RPAP3: variants seen among roughly 807,000 people sequenced by gnomAD.
The protein encoded by RPAP3 is RNA polymerase II-associated protein 3.
A neutral mutation model predicts 88.8 loss-of-function variants in RPAP3; 58 were observed. That is an observed-to-expected ratio of 0.65 (90% CI 0.53 to 0.81). The LOEUF is 0.81. Ranked by LOEUF, RPAP3 falls within the 40% of genes least tolerant of loss-of-function variation. RPAP3 has a pLI of 0.00. For synonymous variants in RPAP3, 255 were observed against 259.9 expected, an observed-to-expected ratio of 0.98 and a Z score of 0.18; for missense variants, 751 against 764.3, an observed-to-expected ratio of 0.98 and a Z score of 0.20.
intron 12 of RPAP3, among the ~76,000 whole-genome samples, chr12:47,671,007 G>C (rs1938986429): frequency 6.6e-6 from 1 of 152,082 alleles, no homozygotes; most frequent in South Asian, 2.1e-4. Context: ...AACTAGCCCA[G>C]GATTAAAAAT....
rs1019606689 is a variant in RPAP3, at chr12:47,679,298, A to C, written c.1287+195T>G. ...GCATTAGGAGAAATACCTAATGTAA[A>C]TGATGAGTTGATGGGTGCAGCAAAC... is the stretch of plus-strand genomic sequence containing the variant. On this transcript the variant is annotated intron_variant, in intron 12 of 16. Transcript: ENST00000005386. Among the ~76,000 whole-genome samples, 4 of 152,292 alleles carry C rather than the reference A, an allele frequency of 2.6e-5. No homozygotes were observed. In the East Asian group the frequency reaches 7.7e-4, roughly 29 times the overall value.
At chr12:47,693,559 TAA>T (rs778299376) in intron 5 of RPAP3, among the ~76,000 whole-genome samples, 2 of 152,150 alleles carry the variant, frequency 1.3e-5, no homozygotes, top group African/African-American at 2.4e-5. Context: ...GTGGACGCAA[TAA>T]AGCGACACAC....
At position 47,663,229 on chromosome 12, in the gene RPAP3, A is replaced by G. The variant is rs1276191080; in HGVS notation, c.*276T>C. 4.1e-6 allele frequency: 1 copy of G among 244,224 alleles called. No homozygotes were observed. Among genetic ancestry groups the G allele is most frequent in the African/African-American group, 2.3e-5 (1 of 44,096 alleles). 15.1% of individuals were successfully genotyped at this position (244,224 alleles called of 1,614,324 possible). A position where few individuals can be genotyped will look rare whatever the true frequency, so the allele number is the denominator to read the frequency against. ...TGTTACATTTATGGGTCACTGAAGA[A>G]TGTATCTAAATTTAACATTTAAAAT... On this transcript the variant is annotated 3_prime_UTR_variant, in exon 17 of 17. Coordinates refer to ENST00000005386, the MANE Select transcript of RPAP3 (RefSeq NM_024604.3).
intron 1 of RPAP3, among the ~76,000 whole-genome samples, chr12:47,705,162 G>C (rs1237614309): frequency 1.3e-5 from 2 of 152,192 alleles, no homozygotes; most frequent in African/African-American, 2.4e-5. Context: ...AAAAAGGTAG[G>C]AGAAGAGTCA....
intron 3 of RPAP3, chr12:47,700,060 C>T (rs1449584517): frequency 7.3e-6 from 1 of 137,120 alleles, no homozygotes; most frequent in Non-Finnish European, 1.5e-5. Flanking sequence ...GTGGTGTGAT[C>T]TTGGCTCACT....
At chr12:47,680,699 G>A (rs1939205350) in intron 10 of RPAP3, among the ~76,000 whole-genome samples, 2 of 151,508 alleles carry the variant, frequency 1.3e-5, no homozygotes, top group African/African-American at 4.8e-5. Flanking sequence ...TTGGTTCTCT[G>A]AAAAGACTAA....
At chr12:47,663,662 A>T in intron 16 of RPAP3, 72 bp from the exon 17 acceptor site, 1 of 849,410 alleles carries the variant, frequency 1.2e-6, no homozygotes, top group South Asian at 1.7e-5. Context: ...AATTAAAAGG[A>T]GCAATCTATT....
At chr12:47,702,898 A>G in intron 1 of RPAP3, 52 bp from the exon 2 acceptor site, 5 of 1,443,482 alleles carry the variant, frequency 3.5e-6, no homozygotes, top group Non-Finnish European at 3.7e-6. Flanking sequence ...TATTTGGTTT[A>G]TTTTTCTGAA....
intron 4 of RPAP3, among the ~76,000 whole-genome samples, chr12:47,696,833 C>T (rs1939537984): frequency 6.6e-6 from 1 of 152,190 alleles, no homozygotes. Context: ...ATTATCCATA[C>T]TGCTTCCGGT....
intron 10 of RPAP3, among the ~76,000 whole-genome samples, chr12:47,680,462 A>AT (rs144826199): frequency 2.6e-5 from 4 of 151,856 alleles, no homozygotes; most frequent in African/African-American, 4.8e-5. Flanking sequence ...AACGTTACAT[A>AT]TTTTTTTTAA....
Position 47,686,797 on chromosome 12 carries a change from G to T in RPAP3, c.975C>A (p.Ala325=). The change falls in exon 9 of 17, where the codon GCC becomes GCA. Residue 325 remains alanine, a synonymous_variant. Transcript: ENST00000005386. The stretch of plus-strand genomic sequence containing the variant: ...ATACTTACTTCTGAATCTTCAGATA[G>T]GCCATAGCTCTGTTAGCTGGAAGAA... ...NALLPANRAM[A]YLKIQKYEEA... is the part of the protein sequence containing the mutation. 6.3e-7 allele frequency: 1 copy of T among 1,592,344 alleles called. No individual in the cohort carries two copies. The highest frequency in any genetic ancestry group is 8.5e-7 in the Non-Finnish European group (1 of 1,171,586).
rs780403948 is a variant in RPAP3 at position 47,690,547 on chromosome 12, G to C, written c.638C>G (p.Ala213Gly). 1.1e-5 allele frequency: 18 copies of C among 1,602,010 alleles called. No individual in the cohort carries two copies. In the South Asian group the frequency reaches 1.9e-4, roughly 17 times the overall value. ...TTTGGCCTCTTCTAATTTTTGCAAA[G>C]CAAATCGAGCAGCACCTCGTCTGGA... The part of the protein sequence containing the change: ...AYSRRGAARF[A>G]LQKLEEAKKD... Residue 213 changes from alanine (A) to glycine (G), a missense_variant, in exon 6 of 17, where the codon GCT becomes GGT. Coordinates refer to ENST00000005386, the MANE Select transcript of RPAP3 (RefSeq NM_024604.3).
intron 12 of RPAP3, among the ~76,000 whole-genome samples, chr12:47,672,369 A>AG (rs1939016376): frequency 6.6e-6 from 1 of 152,202 alleles, no homozygotes; most frequent in Non-Finnish European, 1.5e-5. Flanking sequence ...TTCTCTGGTG[A>AG]CCAGGTGGTG....
At position 47,681,719 on chromosome 12, in the gene RPAP3, C is replaced by G. The variant is rs749250833; in HGVS notation, c.1091G>C (p.Gly364Ala). The G allele has an allele frequency of 6.2e-7, 1 of 1,612,332 alleles. No individual in the cohort carries two copies. The highest frequency in any genetic ancestry group is 1.1e-5 in the South Asian group (1 of 90,646). ...ARRGTARTFL[G>A]KLNEAKQDFE... is the part of the protein sequence containing the mutation. ...ACCTTGTTTTGCCTCATTTAGCTTT[C>G]CCAAAAATGTTCTTGCAGTTCCTCT... is the stretch of plus-strand genomic sequence containing the variant. The change falls in exon 10 of 17, where the codon GGA becomes GCA. Residue 364 changes from glycine to alanine, a missense_variant. By Grantham distance (60) the Gly-to-Ala change is moderately conservative (BLOSUM62 0). Coordinates refer to ENST00000005386, the MANE Select transcript of RPAP3 (RefSeq NM_024604.3).
At chr12:47,675,717 C>T (rs1939099222) in intron 12 of RPAP3, among the ~76,000 whole-genome samples, 1 of 152,100 alleles carries the variant, frequency 6.6e-6, no homozygotes, top group Non-Finnish European at 1.5e-5. Context: ...TATATGCACC[C>T]AATACAGGAG....
At chr12:47,702,210 T>C (rs947022736) in intron 2 of RPAP3, among the ~76,000 whole-genome samples, 1 of 152,158 alleles carries the variant, frequency 6.6e-6, no homozygotes, top group African/African-American at 2.4e-5. Context: ...GGTAATATAT[T>C]TAATTATTAC....
intron 13 of RPAP3, 111 bp downstream of exon 13, chr12:47,669,996 C>A: frequency 1.5e-6 from 1 of 685,988 alleles, no homozygotes. Context: ...TTAAGTTAGG[C>A]AGTTCAAAAA....
chr12:47,702,318 G>C (rs1466776248), intron 2 of RPAP3, among the ~76,000 whole-genome samples: 1 of 152,102 alleles, frequency 6.6e-6, no homozygotes, highest in Non-Finnish European at 1.5e-5. Context: ...GGCCGAGGTG[G>C]GTGGATCACT....
intron 14 of RPAP3, 31 bp downstream of exon 14, chr12:47,668,885 A>G (rs776456101): frequency 6.5e-7 from 1 of 1,547,506 alleles, no homozygotes; most frequent in Non-Finnish European, 8.9e-7. Context: ...CCTTTTACTT[A>G]CAACAGAAGT....
Sources: allele counts gnomAD v4.1 joint callset (sites outside exome capture counted in the v4.1 genomes callset), GRCh38; gene constraint gnomAD v4.1.1; transcripts MANE v1.5; gene names NCBI Gene and HGNC (gene_info 2026-07-23, HGNC 2026-07-21).